Variants in ABCA3 observed in about 807,000 individuals in gnomAD.
The protein encoded by ABCA3 is ATP binding cassette subfamily A member 3.
In ABCA3, 88 loss-of-function variants were observed where a neutral mutation model predicts 172.8. That is an observed-to-expected ratio of 0.51 (90% CI 0.43 to 0.61). The LOEUF is 0.61. Ranked by LOEUF, ABCA3 falls within the 20% of genes least tolerant of loss-of-function variation. The pLI is 0.00. For synonymous variants in ABCA3, 1,066 were observed against 983.8 expected (o/e 1.08, Z -1.56); for missense variants, 2,164 against 2,301.0 (o/e 0.94, Z 1.22).
intron 18 of ABCA3, 55 bp downstream of exon 18, chr16:2,295,535 C>A: frequency 6.2e-7 from 1 of 1,603,166 alleles, no homozygotes. Context: ...CCTCATGGCC[C>A]ATGGGGATCC....
In ABCA3 at chr16:2,328,600, G is replaced by C. The variant is rs375560785; in HGVS notation, c.-174C>G. The C allele has an allele frequency of 2.1e-4, 110 of 512,720 alleles. No individual in the cohort carries two copies. The highest frequency in any genetic ancestry group is 1.9e-3 in the African/African-American group (98 of 51,996). 31.8% of individuals were successfully genotyped at this position (512,720 alleles called of 1,614,324 possible). A position where few individuals can be genotyped will look rare whatever the true frequency, so the allele number is the denominator to read the frequency against. ...TCCTGGAGAGGCAGGGAAGGCGATG[G>C]AGGAGGGGCAGTCTAGAGAGCCCCT... On this transcript the variant is annotated 5_prime_UTR_variant, in exon 3 of 33. Coordinates refer to ENST00000301732, the MANE Select transcript of ABCA3 (RefSeq NM_001089.3).
rs754474859 is a variant in ABCA3, at chr16:2,278,391, C to G, written c.4615G>C (p.Asp1539His). Reference protein sequence around the residue: ...LIGEPAVIFLDEPSTGMDPVA... With the variant: ...LIGEPAVIFLHEPSTGMDPVA... ...GGGTCCATGCCAGTGGACGGCTCGT[C>G]CAGGAAGATGACAGCAGGCTCTCCG... The change falls in exon 30 of 33, where the codon GAC becomes CAC. Residue 1539 changes from aspartate to histidine, a missense_variant. Asp to His is a moderately conservative substitution (Grantham distance 81). This residue lies in a region of ABCA3 where 795 missense variants were observed against 881.9 expected (regional missense o/e 0.90). Transcript: ENST00000301732. The surrounding 1 kb of genome is among the most constrained non-coding windows in gnomAD (Gnocchi z 4.4). 8 of 1,612,544 alleles carry G rather than the reference C, an allele frequency of 5.0e-6. No individual in the cohort carries two copies. The highest frequency in any genetic ancestry group is 5.1e-6 in the Non-Finnish European group (6 of 1,179,974).
Position 2,283,526 on chromosome 16 carries a change from C to T in ABCA3, c.3863-168G>A. 3 of 736,068 alleles carry T rather than the reference C, an allele frequency of 4.1e-6. No individual in the cohort carries two copies. Among genetic ancestry groups the T allele is most frequent in the South Asian group, 3.7e-5 (2 of 53,878 alleles). The allele number at this position is 736,068 out of a possible 1,614,324, so 45.6% of individuals were successfully genotyped here. Reference sequence around the variant, plus strand: ...GTCACAGCTGCCTCTCGAGGCACCACAGCTCAGAGAGGGGCCAGGCACGTA... The same window carrying T: ...GTCACAGCTGCCTCTCGAGGCACCATAGCTCAGAGAGGGGCCAGGCACGTA... On this transcript the variant is annotated intron_variant, in intron 25 of 32. Transcript: ENST00000301732. This position sits in a 1 kb window ranked among gnomAD's most constrained non-coding sequence, Gnocchi z 5.4.
At position 2,277,606 on chromosome 16, in the gene ABCA3, G is replaced by A. The variant is rs746192378; in HGVS notation, c.4974C>T (p.Ser1658=). 1 of 1,613,138 alleles carries A rather than the reference G, an allele frequency of 6.2e-7. No homozygotes were observed. Among genetic ancestry groups the A allele is most frequent in the East Asian group, 2.2e-5 (1 of 44,884 alleles). The part of the protein sequence containing the change: ...VHYHLPGRDL[S]WAKVFGILEK... Reference sequence around the variant, plus strand: ...CCAGGGACTGCCTCACCTTCGCCCAGCTGAGGTCACGGCCCGGCAGGTGGT... The same window carrying A: ...CCAGGGACTGCCTCACCTTCGCCCAACTGAGGTCACGGCCCGGCAGGTGGT... The change falls in exon 32 of 33, where the codon AGC becomes AGT. Residue 1658 remains serine (S), a synonymous_variant. Transcript: ENST00000301732. This position sits in a 1 kb window ranked among gnomAD's most constrained non-coding sequence, Gnocchi z 5.3.
At chr16:2,318,501 CTTTCTT>C (rs1334090830) in intron 8 of ABCA3, among the ~76,000 whole-genome samples, 4 of 151,666 alleles carry the variant, frequency 2.6e-5, no homozygotes, top group African/African-American at 9.7e-5. Flanking sequence ...ATTTCTTTTT[CTTTCTT>C]TTTCTCTTTT....
In ABCA3 at chr16:2,278,600, G is replaced by T; in HGVS notation, c.4548-142C>A. On this transcript the variant is annotated intron_variant, in intron 29 of 32. Coordinates refer to ENST00000301732, the MANE Select transcript of ABCA3 (RefSeq NM_001089.3). This position sits in a 1 kb window ranked among gnomAD's most constrained non-coding sequence, Gnocchi z 4.4. The stretch of plus-strand genomic sequence containing the variant: ...CCTAGTGAAGAGGAAGGAGCTGTGT[G>T]TGCACCTGGAAAGCCCACCGCATAG... 1 of 1,205,668 alleles carries T rather than the reference G, an allele frequency of 8.3e-7. No homozygotes were observed. Among genetic ancestry groups the T allele is most frequent in the Non-Finnish European group, 1.2e-6 (1 of 855,894 alleles). The allele number at this position is 1,205,668 out of a possible 1,614,324, so 74.7% of individuals were successfully genotyped here.
At chr16:2,294,818 A>G (rs978473983) in intron 18 of ABCA3, among the ~76,000 whole-genome samples, 8 of 152,068 alleles carry the variant, frequency 5.3e-5, no homozygotes, top group African/African-American at 1.7e-4. Context: ...CCCCATCTCT[A>G]CTAAAAATAC....
rs751340402 is a variant in ABCA3, at chr16:2,286,919, C to T, written c.3053G>A (p.Gly1018Asp). The T allele has an allele frequency of 5.6e-6, 9 of 1,613,848 alleles. No homozygotes were observed. In the East Asian group the frequency reaches 8.9e-5, roughly 16 times the overall value. Reference sequence around the variant, plus strand: ...TGCCACAAGGCACCGCTCATTAAAGCCGCCCCCCTCCACAGAAGCCCTGAA... The same window carrying T: ...TGCCACAAGGCACCGCTCATTAAAGTCGCCCCCCTCCACAGAAGCCCTGAA... ...LIFRASVEGGGFNERCLVAAS... is the reference protein window; with the variant it reads ...LIFRASVEGGDFNERCLVAAS... Residue 1018 changes from glycine to aspartate, a missense_variant, in exon 22 of 33, where the codon GGC (glycine) becomes GAC (aspartate). Physicochemically the swap from Gly to Asp is moderately conservative, Grantham distance 94. Coordinates refer to ENST00000301732, the MANE Select transcript of ABCA3 (RefSeq NM_001089.3). The surrounding 1 kb of genome is among the most constrained non-coding windows in gnomAD (Gnocchi z 5.2).
chr16:2,303,910 C>A (rs768514325), intron 12 of ABCA3, 59 bp downstream of exon 12: 229 of 1,592,958 alleles, frequency 1.4e-4, no homozygotes, highest in Middle Eastern at 1.7e-4. Context: ...TGAGCAGGTA[C>A]TGGGGACACC....
intron 5 of ABCA3, 89 bp from the exon 6 acceptor site, chr16:2,324,620 G>C (rs998343228): frequency 6.3e-7 from 1 of 1,577,296 alleles, no homozygotes; most frequent in Non-Finnish European, 8.6e-7. Context: ...GCAGATGAAA[G>C]ACGGCAAATC....
rs1158743598 is a variant in ABCA3, at chr16:2,287,148, T to C, written c.3005-181A>G. On this transcript the variant is annotated intron_variant, in intron 21 of 32. Coordinates refer to ENST00000301732, the MANE Select transcript of ABCA3 (RefSeq NM_001089.3). The surrounding 1 kb of genome is among the most constrained non-coding windows in gnomAD (Gnocchi z 4.1). The stretch of plus-strand genomic sequence containing the variant: ...CTGGCAAGGTTTTGTCATCATTCAG[T>C]ATGTGGAACTTTGAATGCCAGTCAG... 6.6e-6 allele frequency among the ~76,000 whole-genome samples: 1 copy of C among 152,136 alleles called. No homozygotes were observed. Among genetic ancestry groups the C allele is most frequent in the Non-Finnish European group, 1.5e-5 (1 of 68,016 alleles).
chr16:2,287,783 G>A lies in ABCA3; in HGVS notation c.3004+243C>T, dbSNP rs1035429764. Among the ~76,000 whole-genome samples, 1 of 152,214 alleles carries A rather than the reference G, an allele frequency of 6.6e-6. No homozygotes were observed. Among genetic ancestry groups the A allele is most frequent in the African/African-American group, 2.4e-5 (1 of 41,452 alleles). On this transcript the variant is annotated intron_variant, in intron 21 of 32. Coordinates refer to ENST00000301732, the MANE Select transcript of ABCA3 (RefSeq NM_001089.3). The surrounding 1 kb of genome is among the most constrained non-coding windows in gnomAD (Gnocchi z 4.1). Reference sequence around the variant, plus strand: ...TGCCAGTGTCTCTGGCACCTCCAGGGCACTTCCCCTGACTCAGTGCCGTGA... The same window carrying A: ...TGCCAGTGTCTCTGGCACCTCCAGGACACTTCCCCTGACTCAGTGCCGTGA...
In ABCA3 at chr16:2,317,770, G is replaced by T. The variant is rs749640210; in HGVS notation, c.874-6C>A. The T allele has an allele frequency of 7.4e-6, 12 of 1,613,642 alleles. No homozygotes were observed. Among genetic ancestry groups the T allele is most frequent in the Admixed American group, 1.7e-5 (1 of 60,006 alleles). ...CCCATCATGCGCATGTACTCCTGGG[G>T]AGAGAAGCCATCACGCTGCTGGGGG... On this transcript the variant is annotated splice_region_variant and splice_polypyrimidine_tract_variant and intron_variant, in intron 8 of 32. Transcript: ENST00000301732.
chr16:2,314,487 A>T (rs1235782145), intron 10 of ABCA3, among the ~76,000 whole-genome samples: 1 of 151,680 alleles, frequency 6.6e-6, no homozygotes, highest in Non-Finnish European at 1.5e-5. Context: ...TTTCACAGGG[A>T]CTGTTTCAGT....
chr16:2,334,590 C>A (rs1409028137), intron 1 of ABCA3, among the ~76,000 whole-genome samples: 2 of 150,640 alleles, frequency 1.3e-5, no homozygotes, highest in South Asian at 2.1e-4. Context: ...TGGCTCAATG[C>A]AACCTCCGGC....
Position 2,284,471 on chromosome 16 carries a change from A to G in ABCA3, c.3704-34T>C, listed in dbSNP as rs1207796017. On this transcript the variant is annotated intron_variant, in intron 24 of 32. Coordinates refer to ENST00000301732, the MANE Select transcript of ABCA3 (RefSeq NM_001089.3). This position sits in a 1 kb window ranked among gnomAD's most constrained non-coding sequence, Gnocchi z 5.9. ...GGGAGGTAAGATCAGTCTGCGCTGG[A>G]GGGCACACCACACCCACCTCCAGGA... 2 of 1,612,692 alleles carry G rather than the reference A, an allele frequency of 1.2e-6. No individual in the cohort carries two copies. The highest frequency in any genetic ancestry group is 3.3e-5 in the Admixed American group (2 of 60,020).
At chr16:2,315,743 A>C (rs1284855573) in intron 10 of ABCA3, among the ~76,000 whole-genome samples, 1 of 152,008 alleles carries the variant, frequency 6.6e-6, no homozygotes, top group South Asian at 2.1e-4. Flanking sequence ...AGCTCACTGC[A>C]ACATCCGCCA....
intron 12 of ABCA3, among the ~76,000 whole-genome samples, chr16:2,300,614 G>T (rs1050443490): frequency 6.6e-6 from 1 of 152,188 alleles, no homozygotes; most frequent in Non-Finnish European, 1.5e-5. Flanking sequence ...CTATGAGGAA[G>T]CCTCTTCCCA....
Position 2,297,330 on chromosome 16 carries a change from G to T in ABCA3, c.2262C>A (p.Tyr754Ter), listed in dbSNP as rs370268801. 6.2e-7 allele frequency: 1 copy of T among 1,610,486 alleles called. No homozygotes were observed. ...CGSSLFLKQK[Y>*]GAGYHMTLVK... ...TCGCGGGCTGGCCCCACCGCTCACC[G>T]TATTTCTGCTTGAGGAACAGCGAGG... The change falls in exon 17 of 33, where the codon TAC becomes TAA. Residue 754 changes from tyrosine to a stop codon, truncating the protein, a stop_gained and splice_region_variant. Transcript: ENST00000301732. LOFTEE classifies it high-confidence loss of function. The surrounding 1 kb of genome is among the most constrained non-coding windows in gnomAD (Gnocchi z 5.6).
Sources: allele counts gnomAD v4.1 joint callset (sites outside exome capture counted in the v4.1 genomes callset), GRCh38; gene constraint gnomAD v4.1.1; regional missense constraint gnomAD v4.1.1; non-coding constraint Gnocchi (gnomAD v3.1); transcripts MANE v1.5; gene names NCBI Gene and HGNC (gene_info 2026-07-23, HGNC 2026-07-21).